Variants in CIB4 observed in about 807,000 individuals in gnomAD.
The protein encoded by CIB4 is calcium and integrin binding family member 4, also known as calcium and integrin-binding family member 4.
Under a neutral mutation model 25.8 loss-of-function variants are expected in CIB4, and 25 were observed. The ratio of observed to expected loss-of-function variants is 0.97; its 90% CI spans 0.71 to 1.35. CIB4 has a LOEUF of 1.35. Ranked by LOEUF, CIB4 falls within the 40% of genes most tolerant of loss-of-function variation. The pLI is 0.00. For missense variants in CIB4, 235 were observed against 228.2 expected, an observed-to-expected ratio of 1.03 and a Z score of -0.19; for synonymous variants, 75 against 81.4, an observed-to-expected ratio of 0.92 and a Z score of 0.42.
intron 3 of CIB4, among the ~76,000 whole-genome samples, chr2:26,606,386 G>A (rs1668890577): frequency 6.6e-6 from 1 of 152,202 alleles, no homozygotes; most frequent in Non-Finnish European, 1.5e-5. Context: ...GAAGACAGAG[G>A]GGAGCAAAGC....
At chr2:26,593,334 G>A (rs1173648195) in intron 4 of CIB4, among the ~76,000 whole-genome samples, 2 of 151,486 alleles carry the variant, frequency 1.3e-5, no homozygotes, top group African/African-American at 2.4e-5. Flanking sequence ...ATATGTGTGT[G>A]TGTGTATATA....
In CIB4 at chr2:26,613,259, C is replaced by T. The variant is rs527455550; in HGVS notation, c.186+16151G>A. Among the ~76,000 whole-genome samples, 194 of 152,236 alleles carry T rather than the reference C, an allele frequency of 1.3e-3. 1 individual carries two copies. Among genetic ancestry groups the T allele is most frequent in the Non-Finnish European group, 2.1e-3 (144 of 68,004 alleles). ...TCCCTAGGACCAACAGAAGGGGCCCCAAGGTCACTTTTCCCATCCACCTTA... is the reference window on the plus strand; with the variant it reads ...TCCCTAGGACCAACAGAAGGGGCCCTAAGGTCACTTTTCCCATCCACCTTA... On this transcript the variant is annotated intron_variant, in intron 3 of 6. Coordinates refer to ENST00000288861, the MANE Select transcript of CIB4 (RefSeq NM_001029881.3).
chr2:26,582,945 G>T, intron 5 of CIB4, 32 bp from the exon 6 acceptor site: 1 of 1,490,218 alleles, frequency 6.7e-7, no homozygotes, highest in East Asian at 2.3e-5. Flanking sequence ...CAGTTGAGTG[G>T]AACCCCATGT....
chr2:26,608,859 G>C (rs951889636), intron 3 of CIB4, among the ~76,000 whole-genome samples: 1 of 152,050 alleles, frequency 6.6e-6, no homozygotes, highest in African/African-American at 2.4e-5. Flanking sequence ...CCCACCCCGG[G>C]GCCCACCCTC....
At chr2:26,608,239 C>CAAAAA (rs34295840) in intron 3 of CIB4, among the ~76,000 whole-genome samples, 12 of 123,594 alleles carry the variant, frequency 9.7e-5, no homozygotes, top group African/African-American at 3.8e-4. Flanking sequence ...GACTCTGTCT[C>CAAAAA]AAAAAAAAAA....
intron 1 of CIB4, among the ~76,000 whole-genome samples, 177 bp downstream of exon 1, chr2:26,641,084 A>G (rs1258878686): frequency 6.6e-6 from 1 of 152,188 alleles, no homozygotes; most frequent in Non-Finnish European, 1.5e-5. Flanking sequence ...CTCATCAGCA[A>G]GCATTAGTGT....
At chr2:26,638,849 G>A (rs1669582043) in intron 2 of CIB4, among the ~76,000 whole-genome samples, 1 of 152,114 alleles carries the variant, frequency 6.6e-6, no homozygotes. Context: ...CTACTCAGGA[G>A]GCTGAGGCAA....
intron 3 of CIB4, among the ~76,000 whole-genome samples, chr2:26,598,362 A>G (rs1668719330): frequency 6.6e-6 from 1 of 151,924 alleles, no homozygotes; most frequent in African/African-American, 2.4e-5. Flanking sequence ...CTCATGGCCC[A>G]GGAGAACTCA....
chr2:26,594,660 G>A (rs747242719), intron 4 of CIB4, among the ~76,000 whole-genome samples: 7 of 152,082 alleles, frequency 4.6e-5, no homozygotes, highest in Non-Finnish European at 1.0e-4. Flanking sequence ...CATTTGCCTG[G>A]TGAAGAGCAG....
intron 3 of CIB4, among the ~76,000 whole-genome samples, chr2:26,619,793 C>CT (rs1669167945): frequency 1.4e-5 from 2 of 143,434 alleles, no homozygotes; most frequent in African/African-American, 5.2e-5. Flanking sequence ...AAGCAGGAAC[C>CT]AAAGCCCACA....
intron 3 of CIB4, among the ~76,000 whole-genome samples, chr2:26,617,379 T>A (rs1669114857): frequency 6.6e-6 from 1 of 152,180 alleles, no homozygotes; most frequent in Admixed American, 6.5e-5. Flanking sequence ...TGGAGCTGGA[T>A]GAAGGCAAGT....
At chr2:26,589,815 C>T (rs1208679893) in intron 4 of CIB4, among the ~76,000 whole-genome samples, 1 of 152,188 alleles carries the variant, frequency 6.6e-6, no homozygotes, top group Admixed American at 6.5e-5. Context: ...GTGGGGCTTC[C>T]AAGAAAGCTT....
At chr2:26,615,053 T>A (rs997283219) in intron 3 of CIB4, among the ~76,000 whole-genome samples, 1 of 152,182 alleles carries the variant, frequency 6.6e-6, no homozygotes, top group African/African-American at 2.4e-5. Context: ...GCCCTGCAGT[T>A]GCCAGTGCTG....
At chr2:26,622,643 T>A (rs753480102) in intron 3 of CIB4, among the ~76,000 whole-genome samples, 1 of 152,044 alleles carries the variant, frequency 6.6e-6, no homozygotes, top group South Asian at 2.1e-4. Context: ...GCAACCCTCA[T>A]AGGGCAACTT....
intron 4 of CIB4, among the ~76,000 whole-genome samples, chr2:26,593,629 T>C (rs921066701): frequency 5.0e-4 from 76 of 152,202 alleles, no homozygotes; most frequent in African/African-American, 1.8e-3. Context: ...TTTTTGTACA[T>C]TGTGTACAAT....
At chr2:26,634,561 T>C (rs1252381872) in intron 2 of CIB4, among the ~76,000 whole-genome samples, 1 of 152,244 alleles carries the variant, frequency 6.6e-6, no homozygotes, top group African/African-American at 2.4e-5. Context: ...TTAGGTTCTA[T>C]TTCCCTCAAC....
At chr2:26,616,985 C>T (rs911696692) in intron 3 of CIB4, among the ~76,000 whole-genome samples, 2 of 152,150 alleles carry the variant, frequency 1.3e-5, no homozygotes, top group South Asian at 4.2e-4. Context: ...GCAAGCACTG[C>T]CTGTGAGGGG....
intron 4 of CIB4, 106 bp from the exon 5 acceptor site, chr2:26,584,004 C>A: frequency 1.4e-6 from 1 of 701,738 alleles, no homozygotes; most frequent in Non-Finnish European, 2.5e-6. Context: ...CCCACAGATG[C>A]CCATTAGCCT....
chr2:26,634,294 T>C (rs1669490598), intron 2 of CIB4, among the ~76,000 whole-genome samples: 1 of 152,170 alleles, frequency 6.6e-6, no homozygotes, highest in Non-Finnish European at 1.5e-5. Flanking sequence ...TGCCTGCAGA[T>C]AGTAGATATT....
Sources: allele counts gnomAD v4.1 joint callset (sites outside exome capture counted in the v4.1 genomes callset), GRCh38; gene constraint gnomAD v4.1.1; transcripts MANE v1.5; gene names NCBI Gene and HGNC (gene_info 2026-07-23, HGNC 2026-07-21).